The following METTL15 variants were observed in gnomAD, a reference collection of about 807,000 sequenced individuals.
The protein encoded by METTL15 is methyltransferase 15, mitochondrial 12S rRNA N4-cytidine.
A neutral mutation model predicts 38.3 loss-of-function variants in METTL15; 34 were observed. The ratio of observed to expected loss-of-function variants is 0.89; its 90% CI spans 0.68 to 1.18. The LOEUF (loss-of-function observed/expected upper bound fraction) is 1.18. Among genes scored for constraint, METTL15 ranks in the 50% most tolerant of loss-of-function variants. The pLI is 0.00. For synonymous variants in METTL15, 162 were observed against 170.9 expected (o/e 0.95, Z 0.41); for missense variants, 438 against 498.4 (o/e 0.88, Z 1.15).
chr11:28,516,430 G>T (rs1200705602), intron 6 of METTL15, among the ~76,000 whole-genome samples: 1 of 152,166 alleles, frequency 6.6e-6, no homozygotes, highest in Non-Finnish European at 1.5e-5. Context: ...GATTGAAGTT[G>T]TCAGCAATAA....
chr11:28,317,570 TA>T (rs1315837320), intron 6 of METTL15, among the ~76,000 whole-genome samples: 1 of 152,196 alleles, frequency 6.6e-6, no homozygotes, highest in Non-Finnish European at 1.5e-5. Flanking sequence ...TCAATACATT[TA>T]AACACGTGAA....
At chr11:28,336,023 A>G (rs1403780750), downstream of METTL15, among the ~76,000 whole-genome samples, 3 of 147,650 alleles carry the variant, frequency 2.0e-5, no homozygotes, top group East Asian at 6.4e-4. Context: ...CCAAAATCTA[A>G]CTTACATTTC....
intron 3 of METTL15, among the ~76,000 whole-genome samples, chr11:28,138,902 A>G (rs1849603862): frequency 6.6e-6 from 1 of 152,200 alleles, no homozygotes. Context: ...TCATGGAACC[A>G]TACAGGAAGA....
At chr11:28,148,809 G>A (rs1849977895) in intron 3 of METTL15, among the ~76,000 whole-genome samples, 1 of 151,944 alleles carries the variant, frequency 6.6e-6, no homozygotes, top group South Asian at 2.1e-4. Context: ...GTGGTGGTCA[G>A]TCCTGTCAAG....
At chr11:28,406,453 A>T (rs903986217) in intron 5 of METTL15, among the ~76,000 whole-genome samples, 1 of 152,146 alleles carries the variant, frequency 6.6e-6, no homozygotes, top group East Asian at 1.9e-4. Context: ...GAAGTTGCTT[A>T]TCAGCTTAAG....
At chr11:28,120,784 T>C (rs1474633281) in intron 3 of METTL15, among the ~76,000 whole-genome samples, 1 of 152,226 alleles carries the variant, frequency 6.6e-6, no homozygotes, top group Non-Finnish European at 1.5e-5. Flanking sequence ...GTATCTGGGT[T>C]TGTCAACTTA....
intron 5 of METTL15, among the ~76,000 whole-genome samples, chr11:28,379,304 C>T (rs1051456883): frequency 6.6e-6 from 1 of 151,964 alleles, no homozygotes; most frequent in East Asian, 1.9e-4. Context: ...GAATGATCTA[C>T]TTATTTGAAG....
At position 28,211,416 on chromosome 11, in the gene METTL15, A is replaced by G. The variant is rs565707460; in HGVS notation, c.407+218A>G. On this transcript the variant is annotated intron_variant, in intron 4 of 6. Transcript: ENST00000407364. ...ATCCTTTCTGAATCCATAAAAAGAA[A>G]TACAAAATGTCTTCCACCTACAAGA... Among the ~76,000 whole-genome samples the G allele has an allele frequency of 5.9e-5, 9 of 152,224 alleles. No individual in the cohort carries two copies. In the South Asian group the frequency reaches 8.3e-4, roughly 14 times the overall value.
intron 3 of METTL15, chr11:28,163,694 T>C (rs1850554799): frequency 2.7e-6 from 1 of 369,316 alleles, no homozygotes; most frequent in African/African-American, 2.1e-5. Context: ...GAGAACTTAA[T>C]ATACTTTTTT....
At chr11:28,481,669 C>T (rs761266135) in intron 6 of METTL15, among the ~76,000 whole-genome samples, 5 of 152,072 alleles carry the variant, frequency 3.3e-5, no homozygotes, top group Non-Finnish European at 7.4e-5. Flanking sequence ...CAGAGGTACC[C>T]GAGCAAAAGC....
At chr11:28,383,104 C>T (rs975581074) in intron 5 of METTL15, among the ~76,000 whole-genome samples, 6 of 151,954 alleles carry the variant, frequency 3.9e-5, no homozygotes, top group Non-Finnish European at 8.8e-5. Flanking sequence ...AGATTTGATC[C>T]TCTCCCTCCT....
At chr11:28,319,386 A>G (rs1216555177) in intron 6 of METTL15, among the ~76,000 whole-genome samples, 1 of 152,176 alleles carries the variant, frequency 6.6e-6, no homozygotes, top group Non-Finnish European at 1.5e-5. Flanking sequence ...GCACCCAGAA[A>G]CGGAAAGAAG....
chr11:28,125,211 A>G (rs1222481414), intron 3 of METTL15, among the ~76,000 whole-genome samples: 1 of 152,132 alleles, frequency 6.6e-6, no homozygotes, highest in Non-Finnish European at 1.5e-5. Flanking sequence ...GTTTAAAGGC[A>G]TGATTGATAG....
At chr11:28,140,105 T>C (rs977580623) in intron 3 of METTL15, among the ~76,000 whole-genome samples, 6 of 152,138 alleles carry the variant, frequency 3.9e-5, no homozygotes, top group Non-Finnish European at 5.9e-5. Flanking sequence ...CCGCTTGCCT[T>C]TCTGTTCCGA....
chr11:28,114,457 T>C (rs139728333), intron 3 of METTL15, among the ~76,000 whole-genome samples: 18 of 152,316 alleles, frequency 1.2e-4, no homozygotes, highest in African/African-American at 3.8e-4. Context: ...CAAGTTTTCT[T>C]TTCTTTTTTT....
chr11:28,419,940 A>G (rs767431107), intron 5 of METTL15, among the ~76,000 whole-genome samples: 3 of 152,174 alleles, frequency 2.0e-5, no homozygotes, highest in Non-Finnish European at 2.9e-5. Context: ...ATTAGTGAGC[A>G]TGAAGACAGG....
Position 28,379,736 on chromosome 11 carries a change from G to A in METTL15, c.*358+17700G>A, listed in dbSNP as rs11529237. 1.7e-4 allele frequency among the ~76,000 whole-genome samples: 26 copies of A among 152,230 alleles called. No homozygotes were observed. The East Asian group carries it at 5.0e-3, about 29-fold the overall frequency. On this transcript the variant is annotated intron_variant and NMD_transcript_variant, in intron 5 of 7. Transcript: ENST00000532947. ...TCAGTTAGGATTTCTTTTTTCTAGT[G>A]TGTAGTTTAACTCCAATATTTCTTT... is the stretch of plus-strand genomic sequence containing the variant.
At chr11:28,147,835 A>G (rs909490890) in intron 3 of METTL15, among the ~76,000 whole-genome samples, 1 of 151,874 alleles carries the variant, frequency 6.6e-6, no homozygotes, top group African/African-American at 2.4e-5. Context: ...TTGATCATAT[A>G]TTTCCTCCAC....
At chr11:28,443,520 A>G (rs768498050) in intron 6 of METTL15, among the ~76,000 whole-genome samples, 2 of 152,114 alleles carry the variant, frequency 1.3e-5, no homozygotes, top group Non-Finnish European at 2.9e-5. Flanking sequence ...CTTGAGTACT[A>G]TATCCAATAG....
Sources: allele counts gnomAD v4.1 joint callset (sites outside exome capture counted in the v4.1 genomes callset), GRCh38; gene constraint gnomAD v4.1.1; transcripts MANE v1.5; gene names NCBI Gene and HGNC (gene_info 2026-07-23, HGNC 2026-07-21).